Variants in WDR33 observed in about 807,000 individuals in gnomAD.
WDR33 encodes WD repeat domain 33, also known as pre-mRNA 3' end processing protein WDR33.
A neutral mutation model predicts 164.9 loss-of-function variants in WDR33; 47 were observed. That is an observed-to-expected ratio of 0.29 (90% CI 0.23 to 0.36). The LOEUF is 0.36. WDR33 is among the 10% of genes least tolerant of loss of function. The probability of loss-of-function intolerance (pLI) is 1.00; values close to 1 mark genes in which losing one functional copy is unlikely to be tolerated. For synonymous variants in WDR33, 505 were observed against 589.0 expected (o/e 0.86, Z 2.06); for missense variants, 1,137 against 1,754.1 (o/e 0.65, Z 6.28).
intron 7 of WDR33, among the ~76,000 whole-genome samples, chr2:127,733,421 A>T (rs894244136): frequency 1.3e-5 from 2 of 152,218 alleles, no homozygotes; most frequent in Non-Finnish European, 2.9e-5. Flanking sequence ...TTGGAGGTAC[A>T]ATTGCAAAAT....
intron 1 of WDR33, among the ~76,000 whole-genome samples, chr2:127,805,081 T>C (rs1573490436): frequency 2.2e-5 from 3 of 135,600 alleles, no homozygotes; most frequent in African/African-American, 8.5e-5. Context: ...TTTTTTTTTT[T>C]TTTTTTTTTT....
chr2:127,763,395 T>C lies in WDR33; in HGVS notation c.627-236A>G. 7.4e-7 allele frequency: 1 copy of C among 1,345,518 alleles called. No individual in the cohort carries two copies. The highest frequency in any genetic ancestry group is 1.5e-5 in the African/African-American group (1 of 68,034). The allele number at this position is 1,345,518 out of a possible 1,614,324, so 83.3% of individuals were successfully genotyped here. On this transcript the variant is annotated intron_variant, in intron 6 of 21. Coordinates refer to ENST00000322313, the MANE Select transcript of WDR33 (RefSeq NM_018383.5). This position sits in a 1 kb window ranked among gnomAD's most constrained non-coding sequence, Gnocchi z 4.5. ...TCATCAGTATTCTGAGAACTTCAAG[T>C]GTGTATTATTAGTGCTAATGCTATC...
intron 1 of WDR33, among the ~76,000 whole-genome samples, chr2:127,805,471 T>C (rs1162583179): frequency 6.6e-6 from 1 of 152,080 alleles, no homozygotes; most frequent in East Asian, 1.9e-4. Context: ...ATAAAAGGAA[T>C]AGAGAAACAA....
rs1161436312 is a variant in WDR33 at position 127,738,289 on chromosome 2, C to T, written c.725-11512G>A. The stretch of plus-strand genomic sequence containing the variant: ...GGGAGCTGGTTATATTATTAATTTC[C>T]ACCATATTAAAAACATATTCCCATA... On this transcript the variant is annotated intron_variant, in intron 7 of 21. Coordinates refer to ENST00000322313, the MANE Select transcript of WDR33 (RefSeq NM_018383.5). The surrounding 1 kb of genome is among the most constrained non-coding windows in gnomAD (Gnocchi z 4.4). Among the ~76,000 whole-genome samples the T allele has an allele frequency of 6.6e-6, 1 of 151,974 alleles. No homozygotes were observed. The highest frequency in any genetic ancestry group is 1.5e-5 in the Non-Finnish European group (1 of 67,992).
chr2:127,739,043 G>A (rs575461519), intron 7 of WDR33, among the ~76,000 whole-genome samples: 12 of 152,314 alleles, frequency 7.9e-5, no homozygotes, highest in African/African-American at 2.9e-4. Flanking sequence ...TTCCAGAGAT[G>A]TGAAAACCAA....
At chr2:127,748,283 C>T (rs1257294758) in intron 7 of WDR33, among the ~76,000 whole-genome samples, 2 of 152,200 alleles carry the variant, frequency 1.3e-5, no homozygotes, top group African/African-American at 4.8e-5. Flanking sequence ...GGTCTGTGTT[C>T]TTTGCTGCAA....
rs747551444 is a variant in WDR33, at chr2:127,720,241, G to C, written c.1784C>G (p.Ser595Cys). The change falls in exon 16 of 22, where the codon TCT becomes TGT. Residue 595 changes from serine to cysteine, a missense_variant. Coordinates refer to ENST00000322313, the MANE Select transcript of WDR33 (RefSeq NM_018383.5). This position sits in a 1 kb window ranked among gnomAD's most constrained non-coding sequence, Gnocchi z 5.9. ...PQPFPGQGPM[S>C]QIPQGFQQPH... ...CTGTTGAAAACCTTGAGGAATCTGAGACATTGGACCTTGTCCTGGAAAAGG... is the reference window on the plus strand; with the variant it reads ...CTGTTGAAAACCTTGAGGAATCTGACACATTGGACCTTGTCCTGGAAAAGG... 6.3e-7 allele frequency: 1 copy of C among 1,586,040 alleles called. No individual in the cohort carries two copies. The highest frequency in any genetic ancestry group is 2.2e-5 in the East Asian group (1 of 44,556).
intron 1 of WDR33, among the ~76,000 whole-genome samples, chr2:127,773,880 C>T (rs1688094654): frequency 6.6e-6 from 1 of 152,012 alleles, no homozygotes. Flanking sequence ...CCTCCCACCT[C>T]AGCCTCCTGA....
In WDR33 at chr2:127,765,216, G is replaced by A; in HGVS notation, c.432C>T (p.Thr144=). 1 of 1,613,992 alleles carries A rather than the reference G, an allele frequency of 6.2e-7. No homozygotes were observed. Among genetic ancestry groups the A allele is most frequent in the Non-Finnish European group, 8.5e-7 (1 of 1,179,996 alleles). ...AATTGAAAGTGAGTCCATTCCACAGGGTAAACTCCCCACTAGAAGCTCCAG... is the reference window on the plus strand; with the variant it reads ...AATTGAAAGTGAGTCCATTCCACAGAGTAAACTCCCCACTAGAAGCTCCAG... ...LVTGASSGEF[T]LWNGLTFNFE... The change falls in exon 5 of 22, where the codon ACC becomes ACT. Residue 144 remains threonine (T), a synonymous_variant. Transcript: ENST00000322313.
In WDR33 at chr2:127,741,854, A is replaced by T. The variant is rs10221758; in HGVS notation, c.725-15077T>A. ...AAAACAGGCTTCCTTGAAAAATGAA[A>T]AGATTAGAGAACCACTAGAAATTCT... On this transcript the variant is annotated intron_variant, in intron 7 of 21. Coordinates refer to ENST00000322313, the MANE Select transcript of WDR33 (RefSeq NM_018383.5). The surrounding 1 kb of genome is among the most constrained non-coding windows in gnomAD (Gnocchi z 4.1). 7.2e-3 allele frequency among the ~76,000 whole-genome samples: 1,066 copies of T among 149,040 alleles called. 10 individuals are homozygous for T. Among genetic ancestry groups the T allele is most frequent in the African/African-American group, 0.025 (1,014 of 40,910 alleles).
chr2:127,771,084 T>C, intron 1 of WDR33, 80 bp from the exon 2 acceptor site: 1 of 1,063,596 alleles, frequency 9.4e-7, no homozygotes, highest in Non-Finnish European at 1.4e-6. Context: ...TGAACACTTT[T>C]TACATTTCTT....
chr2:127,788,313 C>T (rs1688685317), intron 1 of WDR33, among the ~76,000 whole-genome samples: 1 of 126,028 alleles, frequency 7.9e-6, no homozygotes, highest in Non-Finnish European at 1.7e-5. Flanking sequence ...CCCCACCTCC[C>T]TCCCGGACGG....
intron 7 of WDR33, among the ~76,000 whole-genome samples, chr2:127,754,025 T>C (rs1007762248): frequency 5.9e-5 from 9 of 152,190 alleles, no homozygotes; most frequent in African/African-American, 2.2e-4. Flanking sequence ...ATACAAAAAA[T>C]CCATTATACT....
Position 127,723,147 on chromosome 2 carries a change from A to C in WDR33, c.1292-103T>G. On this transcript the variant is annotated intron_variant, in intron 12 of 21. Transcript: ENST00000322313. The surrounding 1 kb of genome is among the most constrained non-coding windows in gnomAD (Gnocchi z 5.9). ...GAATGTCACTGATGATTTATAAATA[A>C]ATCTACTATAAAATTAAAATTCATT... is the stretch of plus-strand genomic sequence containing the variant. The C allele has an allele frequency of 7.1e-7, 1 of 1,412,964 alleles. No individual in the cohort carries two copies. Among genetic ancestry groups the C allele is most frequent in the Non-Finnish European group, 9.7e-7 (1 of 1,032,284 alleles). 87.5% of individuals were successfully genotyped at this position (1,412,964 alleles called of 1,614,324 possible). A position where few individuals can be genotyped will look rare whatever the true frequency, so the allele number is the denominator to read the frequency against.
intron 7 of WDR33, among the ~76,000 whole-genome samples, chr2:127,749,320 T>A (rs1033179305): frequency 4.6e-5 from 7 of 151,974 alleles, no homozygotes; most frequent in Non-Finnish European, 1.0e-4. Context: ...GGTGACTGAG[T>A]GAAACGGTCT....
At chr2:127,767,841 AC>A (rs1322142143) in intron 4 of WDR33, among the ~76,000 whole-genome samples, 1 of 152,194 alleles carries the variant, frequency 6.6e-6, no homozygotes, top group African/African-American at 2.4e-5. Context: ...CTGTCTGTTA[AC>A]TCCTAAGTAT....
intron 7 of WDR33, among the ~76,000 whole-genome samples, chr2:127,757,487 C>T (rs189206273): frequency 9.7e-4 from 147 of 152,180 alleles, no homozygotes; most frequent in Admixed American, 1.7e-3. Flanking sequence ...CTTAAAGAAA[C>T]GCTTCCTCAA....
At chr2:127,774,046 GC>G (rs1368646550) in intron 1 of WDR33, among the ~76,000 whole-genome samples, 1 of 136,108 alleles carries the variant, frequency 7.3e-6, no homozygotes, top group East Asian at 2.1e-4. Context: ...CAGCCCAAAA[GC>G]CTTTTTTTTT....
At chr2:127,775,433 C>A (rs1381659164) in intron 1 of WDR33, among the ~76,000 whole-genome samples, 1 of 152,202 alleles carries the variant, frequency 6.6e-6, no homozygotes, top group Non-Finnish European at 1.5e-5. Context: ...AGGTGATCCA[C>A]CGGCCTTGGC....
Sources: allele counts gnomAD v4.1 joint callset (sites outside exome capture counted in the v4.1 genomes callset), GRCh38; gene constraint gnomAD v4.1.1; non-coding constraint Gnocchi (gnomAD v3.1); transcripts MANE v1.5; gene names NCBI Gene and HGNC (gene_info 2026-07-23, HGNC 2026-07-21).